The following AVEN variants were observed in gnomAD, a reference collection of about 807,000 sequenced individuals.
AVEN encodes the protein apoptosis and caspase activation inhibitor, also known as cell death regulator Aven.
In AVEN, 41 loss-of-function variants were observed where a neutral mutation model predicts 38.1. The observed-to-expected ratio is 1.08, with a 90% CI of 0.84 to 1.40. AVEN has a LOEUF of 1.40. Ranked by LOEUF, AVEN falls within the 40% of genes most tolerant of loss-of-function variation. The probability of loss-of-function intolerance (pLI) is 0.00; values close to 1 mark genes in which losing one functional copy is unlikely to be tolerated. For missense variants in AVEN, 605 were observed against 438.8 expected (o/e 1.38, Z -3.38); for synonymous variants, 206 against 171.8 (o/e 1.20, Z -1.56).
At position 34,050,321 on chromosome 15, in the gene AVEN, C is replaced by A. The variant is rs1259984975; in HGVS notation, n.1637+12601G>T. 2.0e-5 allele frequency among the ~76,000 whole-genome samples: 3 copies of A among 152,190 alleles called. No homozygotes were observed. In the South Asian group the frequency reaches 6.2e-4, roughly 31 times the overall value. On this transcript the variant is annotated intron_variant and non_coding_transcript_variant, in intron 5 of 11. Coordinates refer to the AVEN transcript ENST00000675287. The stretch of plus-strand genomic sequence containing the variant: ...GGGAATTTGTCACCATTGGGCCTGC[C>A]TTGCAAGAGCTCCTGAAGCTTCCAT...
chr15:33,988,934 C>T (rs1332811841), intron 2 of AVEN, among the ~76,000 whole-genome samples: 6 of 152,200 alleles, frequency 3.9e-5, no homozygotes, highest in Non-Finnish European at 8.8e-5. Flanking sequence ...TCTAAATCCC[C>T]TGTATTTTAG....
At chr15:33,884,530 C>T (rs180905564) in intron 2 of AVEN, among the ~76,000 whole-genome samples, 4 of 152,302 alleles carry the variant, frequency 2.6e-5, no homozygotes, top group African/African-American at 9.6e-5. Flanking sequence ...ACTTCCCAAA[C>T]TGGCCTAACA....
chr15:33,870,980 C>G lies in AVEN; in HGVS notation c.567G>C (p.Glu189Asp), dbSNP rs1890922857. The change falls in exon 4 of 6, where the codon GAG (glutamate) becomes GAC (aspartate). Residue 189 changes from glutamate to aspartate, a missense_variant. Physicochemically the swap from Glu to Asp is conservative, Grantham distance 45. Coordinates refer to ENST00000306730, the MANE Select transcript of AVEN (RefSeq NM_020371.3). The stretch of plus-strand genomic sequence containing the variant: ...CGTTGAGTCGGAGGCAGAGAGGCAG[C>G]TCTTGAAGGGCTCGAACCAATAACT... ...DSELLVRALQ[E>D]LPLCLRLNVA... The G allele has an allele frequency of 6.2e-7, 1 of 1,611,222 alleles. No homozygotes were observed. Among genetic ancestry groups the G allele is most frequent in the Non-Finnish European group, 8.5e-7 (1 of 1,178,344 alleles).
chr15:34,060,613 C>A (rs77009925), intron 5 of AVEN, among the ~76,000 whole-genome samples: 13,801 of 152,214 alleles, frequency 0.091, 891 homozygotes, highest in South Asian at 0.27. Flanking sequence ...CGGTGGCTTT[C>A]GCCTGTAATC....
chr15:34,069,829 C>A (rs1187394504), intron 2 of AVEN, among the ~76,000 whole-genome samples: 1 of 152,078 alleles, frequency 6.6e-6, no homozygotes, highest in Non-Finnish European at 1.5e-5. Flanking sequence ...AGAGTTTTCT[C>A]CCATAACTGT....
chr15:34,003,226 C>G lies in AVEN; in HGVS notation c.268-17G>C. The G allele has an allele frequency of 6.2e-7, 1 of 1,611,666 alleles. No homozygotes were observed. The highest frequency in any genetic ancestry group is 8.5e-7 in the Non-Finnish European group (1 of 1,179,180). On this transcript the variant is annotated splice_polypyrimidine_tract_variant and intron_variant, in intron 1 of 5. Coordinates refer to ENST00000306730, the MANE Select transcript of AVEN (RefSeq NM_020371.3). Reference sequence around the variant, plus strand: ...ATCTTCAACCTGCAATCATTAGAGACAAATCAATAAGTAAGCAGTGGAAAT... The same window carrying G: ...ATCTTCAACCTGCAATCATTAGAGAGAAATCAATAAGTAAGCAGTGGAAAT...
chr15:34,058,580 A>ACACACAC (rs1900236304), intron 5 of AVEN, among the ~76,000 whole-genome samples: 1 of 151,768 alleles, frequency 6.6e-6, no homozygotes, highest in Non-Finnish European at 1.5e-5. Flanking sequence ...ACACACACAC[A>ACACACAC]CACACACACA....
At chr15:33,916,773 G>A in intron 2 of AVEN, among the ~76,000 whole-genome samples, 1 of 151,712 alleles carries the variant, frequency 6.6e-6, no homozygotes, top group Non-Finnish European at 1.5e-5. Context: ...TTATTAGTCT[G>A]TTCTCATGCT....
chr15:34,004,564 A>G (rs746964546), intron 1 of AVEN, among the ~76,000 whole-genome samples: 18 of 152,164 alleles, frequency 1.2e-4, no homozygotes, highest in Non-Finnish European at 2.4e-4. Flanking sequence ...CCACTAATTT[A>G]TTGTTTGTTT....
At position 33,867,480 on chromosome 15, in the gene AVEN, A is replaced by G; in HGVS notation, c.973+15T>C. 1 of 1,547,566 alleles carries G rather than the reference A, an allele frequency of 6.5e-7. No homozygotes were observed. Among genetic ancestry groups the G allele is most frequent in the Non-Finnish European group, 8.7e-7 (1 of 1,151,470 alleles). ...CCAGAATCAAGATTCACGGGGAATA[A>G]AATGAAAGCCATACCTTCTTCCTCT... On this transcript the variant is annotated intron_variant, in intron 5 of 5. Coordinates refer to ENST00000306730, the MANE Select transcript of AVEN (RefSeq NM_020371.3).
At chr15:33,865,449 G>C, downstream of AVEN, 1 of 488,012 alleles carries the variant, frequency 2.0e-6, no homozygotes, top group African/African-American at 1.9e-5. Flanking sequence ...AAGAAGGAAG[G>C]CGAAGAATCA....
At chr15:34,068,572 C>T (rs1900564601) in intron 2 of AVEN, among the ~76,000 whole-genome samples, 1 of 152,058 alleles carries the variant, frequency 6.6e-6, no homozygotes, top group African/African-American at 2.4e-5. Flanking sequence ...ATATAAAAAT[C>T]AGGAAATTTG....
At chr15:33,869,274 C>T (rs1380183773) in intron 4 of AVEN, among the ~76,000 whole-genome samples, 1 of 152,136 alleles carries the variant, frequency 6.6e-6, no homozygotes, top group African/African-American at 2.4e-5. Context: ...GAGAATACTG[C>T]TCTACAGCAT....
At chr15:33,854,674 C>G, downstream of AVEN, 1 of 1,489,560 alleles carries the variant, frequency 6.7e-7, no homozygotes, top group Non-Finnish European at 9.1e-7. Flanking sequence ...CCCCTCTATC[C>G]TCAGTGTGTC....
At chr15:34,011,571 T>C (rs1398831939) in intron 1 of AVEN, among the ~76,000 whole-genome samples, 8 of 152,130 alleles carry the variant, frequency 5.3e-5, no homozygotes, top group African/African-American at 1.9e-4. Flanking sequence ...GCAAAAGAAG[T>C]ATATACAGCT....
At position 34,052,462 on chromosome 15, in the gene AVEN, C is replaced by G. The variant is rs1384731881; in HGVS notation, n.1637+10460G>C. ...AAGACAAGGGTACTCTGTCTTACCA[C>G]TCCTATTCAACATAGTATTCAAAGT... On this transcript the variant is annotated intron_variant and non_coding_transcript_variant, in intron 5 of 11. Coordinates refer to the AVEN transcript ENST00000675287. 2.6e-5 allele frequency among the ~76,000 whole-genome samples: 4 copies of G among 152,324 alleles called. No homozygotes were observed. In the South Asian group the frequency reaches 6.2e-4, roughly 24 times the overall value.
intron 1 of AVEN, among the ~76,000 whole-genome samples, chr15:34,004,564 ATTGT>A (rs1318399362): frequency 5.3e-5 from 8 of 152,164 alleles, no homozygotes; most frequent in East Asian, 1.9e-4. Flanking sequence ...CCACTAATTT[ATTGT>A]TTGTTTGTTA....
chr15:34,072,286 T>C (rs1337682349), intron 1 of AVEN, among the ~76,000 whole-genome samples: 5 of 147,064 alleles, frequency 3.4e-5, no homozygotes, highest in African/African-American at 1.3e-4. Context: ...ATAATAATAA[T>C]ACATATATTC....
At chr15:33,873,827 A>G (rs1005691967) in intron 3 of AVEN, among the ~76,000 whole-genome samples, 8 of 152,172 alleles carry the variant, frequency 5.3e-5, no homozygotes, top group African/African-American at 1.9e-4. Context: ...GCTAGAAAGC[A>G]TAGTGCCATT....
Sources: gnomAD v4.1 joint callset for allele counts (sites outside exome capture counted in the v4.1 genomes callset) on GRCh38, gnomAD v4.1.1 for gene constraint, MANE v1.5 for transcripts, NCBI Gene and HGNC (gene_info 2026-07-23, HGNC 2026-07-21) for gene names.